The following COLQ variants were observed in gnomAD, a reference collection of about 807,000 sequenced individuals.
COLQ encodes acetylcholinesterase collagenic tail peptide.
A neutral mutation model predicts 69.0 loss-of-function variants in COLQ; 48 were observed. The ratio of observed to expected loss-of-function variants is 0.70; its 90% CI spans 0.55 to 0.88. The LOEUF (loss-of-function observed/expected upper bound fraction) is 0.88, where lower values mean the gene tolerates loss of function less well. COLQ is among the 40% of genes least tolerant of loss of function. The pLI is 0.00. For synonymous variants in COLQ, 217 were observed against 211.2 expected, an observed-to-expected ratio of 1.03 and a Z score of -0.24; for missense variants, 618 against 594.6, an observed-to-expected ratio of 1.04 and a Z score of -0.41.
chr3:15,511,031 C>T (rs1042698033), intron 1 of COLQ, among the ~76,000 whole-genome samples: 5 of 152,140 alleles, frequency 3.3e-5, no homozygotes, highest in African/African-American at 1.2e-4. Context: ...GAGAAATACA[C>T]GCCAAGACCC....
chr3:15,500,061 A>C (rs2125160985), intron 1 of COLQ, among the ~76,000 whole-genome samples: 1 of 152,322 alleles, frequency 6.6e-6, no homozygotes, highest in Admixed American at 6.5e-5. Flanking sequence ...AGAAGGAAGA[A>C]ATGGGTAACG....
chr3:15,510,787 G>T (rs1438519430), intron 1 of COLQ, among the ~76,000 whole-genome samples: 1 of 136,106 alleles, frequency 7.3e-6, no homozygotes. Flanking sequence ...GGAATGGAGG[G>T]GAGGGGAGGG....
At chr3:15,461,195 C>G (rs1016892913) in intron 12 of COLQ, among the ~76,000 whole-genome samples, 8 of 147,864 alleles carry the variant, frequency 5.4e-5, no homozygotes, top group Admixed American at 2.7e-4. Context: ...TTATTCCCCC[C>G]CCGACCTCTT....
chr3:15,476,113 A>G (rs1214916289), intron 6 of COLQ, among the ~76,000 whole-genome samples: 1 of 152,228 alleles, frequency 6.6e-6, no homozygotes, highest in East Asian at 1.9e-4. Context: ...AATTATTGAG[A>G]TATTTTACAT....
intron 2 of COLQ, 79 bp downstream of exon 2, chr3:15,489,446 G>A: frequency 7.7e-7 from 1 of 1,306,546 alleles, no homozygotes; most frequent in Non-Finnish European, 1.1e-6. Flanking sequence ...CAGGTGGAGT[G>A]GGGCAGGCAG....
rs1476760668 is a variant in COLQ, at chr3:15,475,432, C to G, written c.521G>C (p.Gly174Ala). ...TTTGGACCCCACACTGACCTTGGAG[C>G]CCATTGGTCCTCTTGACCCTGGCAA... ...MGLPGSRGPM[G>A]SKGYPGSRGE... The change falls in exon 7 of 17, where the codon GGC (glycine) becomes GCC (alanine). Residue 174 changes from glycine (G) to alanine (A), a missense_variant. Gly to Ala is a moderately conservative substitution (Grantham distance 60). Coordinates refer to ENST00000383788, the MANE Select transcript of COLQ (RefSeq NM_005677.4). 1 of 1,598,350 alleles carries G rather than the reference C, an allele frequency of 6.3e-7. No homozygotes were observed.
chr3:15,489,784 C>T (rs759752717), intron 1 of COLQ, 147 bp from the exon 2 acceptor site: 83 of 698,688 alleles, frequency 1.2e-4, no homozygotes, highest in Admixed American at 7.3e-4. Context: ...CTCCTGTTGG[C>T]TACTTGACAT....
intron 5 of COLQ, chr3:15,477,400 A>G: frequency 1.7e-6 from 1 of 580,452 alleles, no homozygotes; most frequent in Non-Finnish European, 3.1e-6. Flanking sequence ...TATTCTTCTC[A>G]AGAAATGGAG....
At chr3:15,481,087 T>C (rs2062475987) in intron 3 of COLQ, among the ~76,000 whole-genome samples, 1 of 152,250 alleles carries the variant, frequency 6.6e-6, no homozygotes, top group South Asian at 2.1e-4. Flanking sequence ...TAGCCCTTTG[T>C]AGATTTTGGA....
intron 12 of COLQ, among the ~76,000 whole-genome samples, chr3:15,461,709 C>T (rs546235554): frequency 6.6e-6 from 1 of 152,142 alleles, no homozygotes; most frequent in Non-Finnish European, 1.5e-5. Flanking sequence ...CATCACTTCT[C>T]TTTGAGGTTC....
At chr3:15,485,705 C>A (rs967681780) in intron 3 of COLQ, among the ~76,000 whole-genome samples, 1 of 152,198 alleles carries the variant, frequency 6.6e-6, no homozygotes. Flanking sequence ...TGCCTATAAT[C>A]TCAGCACTTT....
chr3:15,477,066 T>C, intron 6 of COLQ, 60 bp downstream of exon 6: 3 of 1,472,426 alleles, frequency 2.0e-6, no homozygotes, highest in Non-Finnish European at 2.8e-6. Context: ...CCAGGAAAGC[T>C]GCCATCTTCC....
chr3:15,511,192 C>T (rs2125179612), intron 1 of COLQ, among the ~76,000 whole-genome samples: 1 of 152,336 alleles, frequency 6.6e-6, no homozygotes. Context: ...GAGCAAATGA[C>T]TTGTCCAACA....
intron 6 of COLQ, 32 bp downstream of exon 6, chr3:15,477,094 C>T (rs949797494): frequency 8.2e-6 from 13 of 1,576,100 alleles, no homozygotes; most frequent in Non-Finnish European, 1.0e-5. Context: ...TGTTTTGACA[C>T]CGCATGAGCC....
chr3:15,481,495 G>A (rs1202871846), intron 3 of COLQ, among the ~76,000 whole-genome samples: 2 of 152,154 alleles, frequency 1.3e-5, no homozygotes, highest in Admixed American at 6.5e-5. Flanking sequence ...TCTTGCTTTT[G>A]TCAGGTTTGT....
intron 5 of COLQ, chr3:15,478,616 AACAGAGAGTG>A: frequency 2.7e-6 from 1 of 367,722 alleles, no homozygotes; most frequent in Non-Finnish European, 5.1e-6. Context: ...AATTTAATCA[AACAGAGAGTG>A]ACAGTCATTC....
chr3:15,451,484 A>G lies in COLQ; in HGVS notation c.*160T>C, dbSNP rs1233596587. 3 of 770,922 alleles carry G rather than the reference A, an allele frequency of 3.9e-6. No individual in the cohort carries two copies. In the African/African-American group the frequency reaches 5.1e-5, roughly 13 times the overall value. The allele number at this position is 770,922 out of a possible 1,614,324, so 47.8% of individuals were successfully genotyped here. On this transcript the variant is annotated 3_prime_UTR_variant, in exon 17 of 17. Transcript: ENST00000383788. The stretch of plus-strand genomic sequence containing the variant: ...GGATGCAGTGGTCCTAAATTCTTCC[A>G]GTCAGACTGAGTTAACAGCATGTCT...
intron 1 of COLQ, among the ~76,000 whole-genome samples, chr3:15,507,238 T>C (rs2062923816): frequency 6.6e-6 from 1 of 152,250 alleles, no homozygotes; most frequent in African/African-American, 2.4e-5. Context: ...ACCTTCCACA[T>C]GCATCTCTGT....
chr3:15,459,359 A>C (rs1026346123), intron 12 of COLQ, among the ~76,000 whole-genome samples: 26 of 152,212 alleles, frequency 1.7e-4, no homozygotes, highest in African/African-American at 5.5e-4. Context: ...TCTGATACCC[A>C]GGATACACCT....
Sources: gnomAD v4.1 joint callset for allele counts (sites outside exome capture counted in the v4.1 genomes callset) on GRCh38, gnomAD v4.1.1 for gene constraint, MANE v1.5 for transcripts, NCBI Gene and HGNC (gene_info 2026-07-23, HGNC 2026-07-21) for gene names.